Variants in SLC38A8 observed in about 807,000 individuals in gnomAD.
SLC38A8 encodes amino acid transporter SLC38A8.
A neutral mutation model predicts 46.0 loss-of-function variants in SLC38A8; 65 were observed. The ratio of observed to expected loss-of-function variants is 1.41; its 90% CI spans 1.16 to 1.74. The LOEUF (loss-of-function observed/expected upper bound fraction) is 1.74, where lower values mean the gene tolerates loss of function less well. SLC38A8 is among the 40% of genes most tolerant of loss of function. The pLI is 0.00. For missense variants in SLC38A8, 998 were observed against 567.9 expected (o/e 1.76, Z -7.70); for synonymous variants, 447 against 243.7 (o/e 1.83, Z -7.77).
chr16:84,034,421 G>C (rs112900375), intron 3 of SLC38A8, among the ~76,000 whole-genome samples: 11 of 152,208 alleles, frequency 7.2e-5, no homozygotes, highest in African/African-American at 2.7e-4. Flanking sequence ...CCATCTAAGA[G>C]GTAAGACAGA....
At chr16:84,033,548 TGGCTGGGGTTGGACATCCACCCTCA>T (rs1325122963) in intron 3 of SLC38A8, 79 bp from the exon 4 acceptor site, 1 of 1,464,890 alleles carries the variant, frequency 6.8e-7, no homozygotes, top group African/African-American at 1.4e-5. Flanking sequence ...CCTTCAACCC[TGGCTGGGGTTGGACATCCACCCTCA>T]GCCAGCCCCA....
chr16:84,009,963 G>A (rs2084935516), intron 10 of SLC38A8, 86 bp from the exon 11 acceptor site: 3 of 1,108,514 alleles, frequency 2.7e-6, no homozygotes, highest in Non-Finnish European at 3.9e-6. Flanking sequence ...ACTATGTAGA[G>A]CCCAGTATGG....
chr16:84,011,222 C>T (rs1271441919), intron 10 of SLC38A8, among the ~76,000 whole-genome samples: 1 of 152,142 alleles, frequency 6.6e-6, no homozygotes, highest in Admixed American at 6.6e-5. Flanking sequence ...ATTAGAAGGA[C>T]CCAAAGCAGT....
intron 10 of SLC38A8, among the ~76,000 whole-genome samples, chr16:84,011,485 C>T (rs946912736): frequency 3.9e-5 from 6 of 152,130 alleles, no homozygotes; most frequent in East Asian, 3.8e-4. Flanking sequence ...CTCAATGGGG[C>T]TAGAGGGCCG....
At chr16:84,035,818 T>C (rs2085293938) in intron 3 of SLC38A8, among the ~76,000 whole-genome samples, 1 of 152,260 alleles carries the variant, frequency 6.6e-6, no homozygotes, top group Non-Finnish European at 1.5e-5. Flanking sequence ...AATAGGCTAA[T>C]CTGCAATCGC....
chr16:84,013,545 C>G (rs1002455902), intron 9 of SLC38A8, among the ~76,000 whole-genome samples: 1 of 149,758 alleles, frequency 6.7e-6, no homozygotes, highest in Non-Finnish European at 1.5e-5. Context: ...ATTCTCGTGC[C>G]TCAGCCTCCC....
chr16:84,027,131 C>A (rs1274661821), intron 6 of SLC38A8, among the ~76,000 whole-genome samples: 1 of 152,148 alleles, frequency 6.6e-6, no homozygotes, highest in Non-Finnish European at 1.5e-5. Context: ...GTGGGCAGAT[C>A]AAAAGGTTAA....
chr16:84,043,346 C>G (rs1307683681), upstream of SLC38A8, among the ~76,000 whole-genome samples: 1 of 152,208 alleles, frequency 6.6e-6, no homozygotes, highest in Non-Finnish European at 1.5e-5. Context: ...CGGAATTTGA[C>G]TGTTTATTCC....
At chr16:84,014,016 G>C (rs1430211251) in intron 9 of SLC38A8, among the ~76,000 whole-genome samples, 1 of 151,814 alleles carries the variant, frequency 6.6e-6, no homozygotes, top group Non-Finnish European at 1.5e-5. Context: ...AGCCCTGAAA[G>C]CCCCGCCCAG....
chr16:84,042,179 G>T lies in SLC38A8; in HGVS notation c.-2-20C>A. 1 of 1,594,862 alleles carries T rather than the reference G, an allele frequency of 6.3e-7. No homozygotes were observed. Among genetic ancestry groups the T allele is most frequent in the Non-Finnish European group, 8.5e-7 (1 of 1,172,094 alleles). ...CCATGGCTAGAGGCGGCAGAGGGGT[G>T]GAGAGAAAGCACAGTCTTCACGCTT... is the stretch of plus-strand genomic sequence containing the variant. On this transcript the variant is annotated intron_variant, in intron 1 of 10. Transcript: ENST00000299709.
chr16:84,011,188 G>A lies in SLC38A8; in HGVS notation c.1215-1311C>T, dbSNP rs111611645. Among the ~76,000 whole-genome samples the A allele has an allele frequency of 2.3e-3, 347 of 152,346 alleles. 3 individuals are homozygous for A. The highest frequency in any genetic ancestry group is 8.0e-3 in the African/African-American group (332 of 41,592). On this transcript the variant is annotated intron_variant, in intron 10 of 10. Transcript: ENST00000299709. ...GAGGCTAATGTGCCTGTGGGCTGTG[G>A]CACTCCTGGAGCAGCGCTGATGTAT...
chr16:84,015,144 AC>A (rs1033232570), intron 9 of SLC38A8, among the ~76,000 whole-genome samples: 1 of 152,114 alleles, frequency 6.6e-6, no homozygotes, highest in African/African-American at 2.4e-5. Flanking sequence ...GGGTCCACTC[AC>A]GGAACACGCA....
intron 6 of SLC38A8, among the ~76,000 whole-genome samples, chr16:84,027,499 C>T (rs2085179423): frequency 6.6e-6 from 1 of 152,232 alleles, no homozygotes; most frequent in Non-Finnish European, 1.5e-5. Flanking sequence ...TGCCCCATTG[C>T]CAAATGTGTT....
intron 5 of SLC38A8, among the ~76,000 whole-genome samples, chr16:84,030,438 C>G: frequency 6.6e-6 from 1 of 152,096 alleles, no homozygotes; most frequent in East Asian, 1.9e-4. Context: ...AATGCCATGT[C>G]TGGGCCAACG....
In SLC38A8 at chr16:84,019,126, T is replaced by C. The variant is rs186466513; in HGVS notation, c.806-1839A>G. Among the ~76,000 whole-genome samples, 962 of 151,894 alleles carry C rather than the reference T, an allele frequency of 6.3e-3. 7 individuals are homozygous for C. Among genetic ancestry groups the C allele is most frequent in the African/African-American group, 0.022 (895 of 41,408 alleles). ...GATGGAGTCTGTCACCCAGGCTGGA[T>C]TGCAGTGGCACAATCTCGACTCACT... On this transcript the variant is annotated intron_variant, in intron 7 of 10. Transcript: ENST00000299709.
Position 84,016,602 on chromosome 16 carries a change from G to A in SLC38A8, c.1079C>T (p.Ala360Val), listed in dbSNP as rs755643841. 1.9e-6 allele frequency: 3 copies of A among 1,613,982 alleles called. No individual in the cohort carries two copies. Among genetic ancestry groups the A allele is most frequent in the African/African-American group, 1.3e-5 (1 of 75,064 alleles). The change falls in exon 9 of 11, where the codon GCC (alanine) becomes GTC (valine). Residue 360 changes from alanine to valine, a missense_variant. Physicochemically the swap from Ala to Val is moderately conservative, Grantham distance 64 (BLOSUM62 0). Coordinates refer to ENST00000299709, the MANE Select transcript of SLC38A8 (RefSeq NM_001080442.3). ...GAGGTCAGGCATAAACAGCGCCATG[G>A]CGAGCGTCACGGTGACCCACAGGAT... ...LTILWVTVTL[A>V]MALFMPDLSE...
In SLC38A8 at chr16:84,036,627, G is replaced by C; in HGVS notation, c.388+75C>G. On this transcript the variant is annotated intron_variant, in intron 3 of 10. Coordinates refer to ENST00000299709, the MANE Select transcript of SLC38A8 (RefSeq NM_001080442.3). ...GGCCCAGGCCAGGGCCCCACGTCCTGCTCAACTGGAAACTCCAAGAGGTCA... is the reference window on the plus strand; with the variant it reads ...GGCCCAGGCCAGGGCCCCACGTCCTCCTCAACTGGAAACTCCAAGAGGTCA... 5 of 1,545,148 alleles carry C rather than the reference G, an allele frequency of 3.2e-6. No homozygotes were observed. In the South Asian group the frequency reaches 5.8e-5, roughly 18 times the overall value.
At chr16:84,025,671 C>T (rs1490149965) in intron 6 of SLC38A8, among the ~76,000 whole-genome samples, 2 of 152,216 alleles carry the variant, frequency 1.3e-5, no homozygotes, top group African/African-American at 4.8e-5. Flanking sequence ...CTCGCTCTGT[C>T]ACTCATGAGT....
chr16:84,041,264 G>C (rs1455418860), intron 2 of SLC38A8: 1 of 152,302 alleles, frequency 6.6e-6, no homozygotes, highest in African/African-American at 2.4e-5. Context: ...GCTCTGTGTG[G>C]GGAGTGTGGG....
Sources: allele counts gnomAD v4.1 joint callset (sites outside exome capture counted in the v4.1 genomes callset), GRCh38; gene constraint gnomAD v4.1.1; transcripts MANE v1.5; gene names NCBI Gene and HGNC (gene_info 2026-07-23, HGNC 2026-07-21).